SLC5A5: variants seen among roughly 807,000 people sequenced by gnomAD.
SLC5A5 encodes the protein solute carrier family 5 member 5.
SLC5A5 carries 56 observed loss-of-function variants against 68.6 expected under a neutral mutation model. The observed-to-expected ratio is 0.82, with a 90% CI of 0.66 to 1.02. The LOEUF (loss-of-function observed/expected upper bound fraction) is 1.02, where lower values mean the gene tolerates loss of function less well. SLC5A5 is among the 50% of genes least tolerant of loss of function. The probability of loss-of-function intolerance (pLI) is 0.00; values close to 1 mark genes in which losing one functional copy is unlikely to be tolerated. For missense variants in SLC5A5, 807 were observed against 859.8 expected, an observed-to-expected ratio of 0.94 and a Z score of 0.77; for synonymous variants, 398 against 373.0, an observed-to-expected ratio of 1.07 and a Z score of -0.77.
chr19:17,892,975 CTCTTTTCTTTTCCTTTCTCT>C lies in SLC5A5; in HGVS notation c.1768-726_1768-707del, dbSNP rs1177058994. On this transcript the variant is annotated intron_variant, in intron 14 of 14. Coordinates refer to ENST00000222248, the MANE Select transcript of SLC5A5 (RefSeq NM_000453.3). ...GAAGTGTTTATCTTTTCTTTCTTTC[CTCTTTTCTTTTCCTTTCTCT>C]TCTTTTCTTTTTTTTCTTTCTCTCT... Among the ~76,000 whole-genome samples the C allele has an allele frequency of 2.0e-5, 3 of 149,816 alleles. No homozygotes were observed. The Admixed American group carries it at 2.0e-4, about 10-fold the overall frequency.
intron 14 of SLC5A5, among the ~76,000 whole-genome samples, chr19:17,892,004 C>T (rs1317069264): frequency 6.6e-6 from 1 of 152,044 alleles, no homozygotes; most frequent in Non-Finnish European, 1.5e-5. Context: ...ATAATACAAC[C>T]AGATGCTGTC....
At position 17,876,065 on chromosome 19, in the gene SLC5A5, G is replaced by A. The variant is rs201774834; in HGVS notation, c.657G>A (p.Val219=). 2.6e-5 allele frequency: 42 copies of A among 1,614,172 alleles called. No individual in the cohort carries two copies. In the East Asian group the frequency reaches 4.5e-4, roughly 17 times the overall value. ...GVMLVGGPRQ[V]LTLAQNHSRI... ...TGCTTGTGGGCGGGCCCCGCCAGGT[G>A]CTCACGCTGGCCCAGAACCACTCCC... The change falls in exon 5 of 15, where the codon GTG becomes GTA. Residue 219 remains valine, a synonymous_variant. Coordinates refer to ENST00000222248, the MANE Select transcript of SLC5A5 (RefSeq NM_000453.3).
At chr19:17,883,224 G>C (rs898601588) in intron 10 of SLC5A5, among the ~76,000 whole-genome samples, 4 of 151,540 alleles carry the variant, frequency 2.6e-5, no homozygotes, top group Non-Finnish European at 5.9e-5. Context: ...CTTCCAAGTC[G>C]CTGAGATTAA....
chr19:17,875,373 A>C (rs2094304376), intron 4 of SLC5A5, among the ~76,000 whole-genome samples: 2 of 151,730 alleles, frequency 1.3e-5, no homozygotes, highest in African/African-American at 4.9e-5. Flanking sequence ...CCATCTCAAA[A>C]AAATATAATA....
In SLC5A5 at chr19:17,883,880, G is replaced by C; in HGVS notation, c.1360G>C (p.Ala454Pro). Residue 454 changes from alanine (A) to proline (P), a missense_variant, in exon 12 of 15, where the codon GCG (alanine) becomes CCG (proline). Coordinates refer to ENST00000222248, the MANE Select transcript of SLC5A5 (RefSeq NM_000453.3). ...CCTCGCGGGACTAGGCGCGGGCTTG[G>C]CGCTGTCGCTGTGGGTGGCCTTGGG... ...GVLAGLGAGL[A>P]LSLWVALGAT... 1.3e-6 allele frequency: 2 copies of C among 1,580,388 alleles called. No homozygotes were observed. Among genetic ancestry groups the C allele is most frequent in the Non-Finnish European group, 1.7e-6 (2 of 1,164,664 alleles).
At chr19:17,883,522 A>AGCG (rs113528103) in intron 10 of SLC5A5, among the ~76,000 whole-genome samples, 159 bp from the exon 11 acceptor site, 46 of 143,322 alleles carry the variant, frequency 3.2e-4, no homozygotes, top group African/African-American at 6.5e-4. Flanking sequence ...GGCAGGAACA[A>AGCG]GGGGGGGGGG....
At chr19:17,893,066 G>T (rs1198142557) in intron 14 of SLC5A5, among the ~76,000 whole-genome samples, 11 of 109,070 alleles carry the variant, frequency 1.0e-4, no homozygotes, top group East Asian at 2.5e-4. Flanking sequence ...TGTTGTCTTT[G>T]TTTTATTTGT....
chr19:17,879,488 C>T (rs2094315678), intron 7 of SLC5A5, among the ~76,000 whole-genome samples: 1 of 152,136 alleles, frequency 6.6e-6, no homozygotes, highest in African/African-American at 2.4e-5. Flanking sequence ...CTGAGAAAGG[C>T]AGGGCAGTCA....
At chr19:17,880,753 G>C in intron 7 of SLC5A5, 112 bp from the exon 8 acceptor site, 2 of 793,298 alleles carry the variant, frequency 2.5e-6, no homozygotes, top group South Asian at 2.7e-5. Context: ...ATTAAATGCC[G>C]ACTCTGAGCC....
intron 14 of SLC5A5, 83 bp downstream of exon 14, chr19:17,891,084 A>T (rs772978488): frequency 1.8e-4 from 155 of 848,208 alleles, no homozygotes; most frequent in Non-Finnish European, 2.0e-4. Flanking sequence ...GGGACATGGT[A>T]TATCAGCACC....
At chr19:17,875,587 A>ACCCCCCCCCCCC (rs59128676) in intron 4 of SLC5A5, among the ~76,000 whole-genome samples, 1 of 145,012 alleles carries the variant, frequency 6.9e-6, no homozygotes, top group Admixed American at 6.9e-5. Flanking sequence ...ACATAGTGAG[A>ACCCCCCCCCCCC]CCCCCCCCCG....
intron 12 of SLC5A5, among the ~76,000 whole-genome samples, chr19:17,885,427 T>G (rs7257608): frequency 0.013 from 1,970 of 152,214 alleles, 39 homozygotes; most frequent in African/African-American, 0.043. Flanking sequence ...ACACCCAGGC[T>G]GGAGTGCAAT....
In SLC5A5 at chr19:17,884,817, T is replaced by A. The variant is rs2094329674; in HGVS notation, c.1526+771T>A. ...GGCATTTAGTATATTTGTGCAACCATCACCACTATCTAAGTCAAGAACGTT... is the reference window on the plus strand; with the variant it reads ...GGCATTTAGTATATTTGTGCAACCAACACCACTATCTAAGTCAAGAACGTT... On this transcript the variant is annotated intron_variant, in intron 12 of 14. Coordinates refer to ENST00000222248, the MANE Select transcript of SLC5A5 (RefSeq NM_000453.3). 1.3e-5 allele frequency among the ~76,000 whole-genome samples: 2 copies of A among 151,542 alleles called. 1 individual carries two copies. Among genetic ancestry groups the A allele is most frequent in the African/African-American group, 4.9e-5 (2 of 41,004 alleles).
intron 12 of SLC5A5, among the ~76,000 whole-genome samples, chr19:17,884,937 G>A (rs1010379242): frequency 1.3e-5 from 2 of 150,322 alleles, no homozygotes; most frequent in East Asian, 1.9e-4. Context: ...CAGGTGATCC[G>A]CCCACCTCAG....
intron 4 of SLC5A5, among the ~76,000 whole-genome samples, 187 bp downstream of exon 4, chr19:17,874,918 C>T (rs569624046): frequency 1.3e-5 from 2 of 152,162 alleles, no homozygotes; most frequent in South Asian, 2.1e-4. Flanking sequence ...ATGGTAGCTT[C>T]AGGCATGGCT....
intron 10 of SLC5A5, among the ~76,000 whole-genome samples, 177 bp from the exon 11 acceptor site, chr19:17,883,504 G>C (rs2094325626): frequency 6.7e-6 from 1 of 150,100 alleles, no homozygotes; most frequent in African/African-American, 2.5e-5. Flanking sequence ...TCCAACCCAA[G>C]GGAGATAGGC....
chr19:17,889,442 GA>G (rs2030071537), intron 13 of SLC5A5, among the ~76,000 whole-genome samples: 5 of 149,794 alleles, frequency 3.3e-5, no homozygotes, highest in Admixed American at 2.7e-4. Flanking sequence ...AGGAAGGAAG[GA>G]AAGAGAAAGA....
rs2030147509 is a variant in SLC5A5 at position 17,890,998 on chromosome 19, C to T, written c.1764C>T (p.Val588=). Reference sequence around the variant, plus strand: ...TGGCCATCCTGGATGACAACTTGGTCAAGGTCAGTCTTAGGCTGGGTTCCC... The same window carrying T: ...TGGCCATCCTGGATGACAACTTGGTTAAGGTCAGTCTTAGGCTGGGTTCCC... ...EEVAILDDNL[V]KGPEELPTGN... Residue 588 remains valine, a synonymous_variant, in exon 14 of 15, where the codon GTC becomes GTT. Coordinates refer to ENST00000222248, the MANE Select transcript of SLC5A5 (RefSeq NM_000453.3). 2 of 1,601,658 alleles carry T rather than the reference C, an allele frequency of 1.2e-6. No individual in the cohort carries two copies. The highest frequency in any genetic ancestry group is 4.5e-5 in the East Asian group (2 of 44,798).
In SLC5A5 at chr19:17,891,869, T is replaced by C. The variant is rs554942475; in HGVS notation, c.1767+868T>C. Among the ~76,000 whole-genome samples, 14 of 152,302 alleles carry C rather than the reference T, an allele frequency of 9.2e-5. No homozygotes were observed. In the East Asian group the frequency reaches 1.7e-3, roughly 19 times the overall value. On this transcript the variant is annotated intron_variant, in intron 14 of 14. Transcript: ENST00000222248. ...TCTCTCATTTATTGAGCACCTGCTGTGTACCCAGTCCTGCTCTGGGCTATG... is the reference window on the plus strand; with the variant it reads ...TCTCTCATTTATTGAGCACCTGCTGCGTACCCAGTCCTGCTCTGGGCTATG...
Sources: gnomAD v4.1 joint callset for allele counts (sites outside exome capture counted in the v4.1 genomes callset) on GRCh38, gnomAD v4.1.1 for gene constraint, MANE v1.5 for transcripts, NCBI Gene and HGNC (gene_info 2026-07-23, HGNC 2026-07-21) for gene names.